RGPD3: variants seen among roughly 807,000 people sequenced by gnomAD.
The protein encoded by RGPD3 is ranBP2-like and GRIP domain-containing protein 3.
A neutral mutation model predicts 154.5 loss-of-function variants in RGPD3; 62 were observed. That is an observed-to-expected ratio of 0.40 (90% CI 0.33 to 0.50). The LOEUF is 0.50. Ranked by LOEUF, RGPD3 falls within the 20% of genes least tolerant of loss-of-function variation. The pLI is 0.59. For missense variants in RGPD3, 919 were observed against 1,716.8 expected (o/e 0.54, Z 8.21); for synonymous variants, 308 against 607.0 (o/e 0.51, Z 7.24).
chr2:106,436,346 C>G (rs896002152), intron 11 of RGPD3, 68 bp downstream of exon 11: 3 of 1,610,454 alleles, frequency 1.9e-6, no homozygotes, highest in African/African-American at 2.7e-5. Flanking sequence ...TAAATCTTCA[C>G]ACGAGGATTA....
intron 7 of RGPD3, among the ~76,000 whole-genome samples, chr2:106,446,170 C>A (rs1677918521): frequency 8.0e-6 from 1 of 125,050 alleles, no homozygotes; most frequent in Non-Finnish European, 1.7e-5. Context: ...AGCAAAAAAT[C>A]CTTCTCTAAA....
chr2:106,462,023 A>G (rs1245572145), intron 1 of RGPD3, among the ~76,000 whole-genome samples: 5 of 151,774 alleles, frequency 3.3e-5, no homozygotes, highest in Non-Finnish European at 5.9e-5. Context: ...AGCTGGGACT[A>G]CAGGCGCACA....
At chr2:106,458,384 T>C (rs1678299353) in intron 2 of RGPD3, among the ~76,000 whole-genome samples, 1 of 148,440 alleles carries the variant, frequency 6.7e-6, no homozygotes, top group Non-Finnish European at 1.5e-5. Flanking sequence ...ACCACCATTT[T>C]CCTTTCTTAC....
Position 106,422,385 on chromosome 2 carries a change from G to GT in RGPD3, c.4924+657dup, listed in dbSNP as rs781061447. ...TGTTTTTTTTTGTTTTTTGTTTTTT[G>GT]TTTTTTTTGGAGACAAAGTCTCACT... is the stretch of plus-strand genomic sequence containing the variant. On this transcript the variant is annotated intron_variant, in intron 20 of 22. Coordinates refer to ENST00000409886, the MANE Select transcript of RGPD3 (RefSeq NM_001144013.2). 2.9e-4 allele frequency among the ~76,000 whole-genome samples: 27 copies of GT among 93,544 alleles called. 1 individual carries two copies. The highest frequency in any genetic ancestry group is 6.5e-4 in the East Asian group (2 of 3,100). 61.4% of individuals were successfully genotyped at this position (93,544 alleles called of 152,430 possible).
At chr2:106,466,450 C>T (rs1445839010) in intron 1 of RGPD3, among the ~76,000 whole-genome samples, 1 of 120,360 alleles carries the variant, frequency 8.3e-6, no homozygotes, top group South Asian at 3.2e-4. Context: ...CCATCGAGGC[C>T]GCCGCTGGGC....
At chr2:106,470,003 G>C (rs368250382), upstream of RGPD3, among the ~76,000 whole-genome samples, 12 of 151,990 alleles carry the variant, frequency 7.9e-5, no homozygotes, top group Non-Finnish European at 1.6e-4. Flanking sequence ...GTAAATCCCA[G>C]TTCTACCACT....
rs1418178556 is a variant in RGPD3 at position 106,433,034 on chromosome 2, A to T, written c.2386-16T>A. The T allele has an allele frequency of 6.2e-7, 1 of 1,610,856 alleles. No individual in the cohort carries two copies. The highest frequency in any genetic ancestry group is 1.3e-5 in the African/African-American group (1 of 74,496). ...TGGGAGAATACTAAAAAAAAAATAA[A>T]AATAACAAAAGAGCATTTAAAACAC... On this transcript the variant is annotated splice_polypyrimidine_tract_variant and intron_variant, in intron 16 of 22. Coordinates refer to ENST00000409886, the MANE Select transcript of RGPD3 (RefSeq NM_001144013.2).
intron 20 of RGPD3, among the ~76,000 whole-genome samples, chr2:106,420,830 C>T (rs1424449275): frequency 6.6e-6 from 1 of 152,254 alleles, no homozygotes; most frequent in Admixed American, 6.5e-5. Flanking sequence ...AGCTGGAGTG[C>T]AGTGATGTGA....
intron 1 of RGPD3, 88 bp downstream of exon 1, chr2:106,468,129 C>A: frequency 1.3e-6 from 2 of 1,493,066 alleles, no homozygotes; most frequent in Non-Finnish European, 1.8e-6. Flanking sequence ...GGAGCCATGA[C>A]GCCTGAGCCA....
Position 106,415,848 on chromosome 2 carries a change from A to C in RGPD3, c.5064+2T>G. 1 of 1,611,824 alleles carries C rather than the reference A, an allele frequency of 6.2e-7. No individual in the cohort carries two copies. The highest frequency in any genetic ancestry group is 8.5e-7 in the Non-Finnish European group (1 of 1,179,822). On this transcript the variant is annotated splice_donor_variant, in intron 21 of 22. Coordinates refer to ENST00000409886, the MANE Select transcript of RGPD3 (RefSeq NM_001144013.2). LOFTEE classifies it high-confidence loss of function. ...TATGGTGGCCAGGTTTTCTGATCTC[A>C]CCTTAATTTGCTCCATAAGGACTGC...
At position 106,461,993 on chromosome 2, in the gene RGPD3, A is replaced by G. The variant is rs1023825223; in HGVS notation, c.73-2661T>C. Among the ~76,000 whole-genome samples the G allele has an allele frequency of 6.6e-5, 10 of 151,724 alleles. 1 individual carries two copies. The South Asian group carries it at 1.0e-3, about 16-fold the overall frequency. ...GGTGGCTCGATCTCAGCTCACTGCA[A>G]CCTCTGCCTCCCAGGTACAAGCTGG... On this transcript the variant is annotated intron_variant, in intron 1 of 22. Transcript: ENST00000409886.
chr2:106,445,796 GATTT>G (rs1677903525), intron 7 of RGPD3, among the ~76,000 whole-genome samples: 1 of 101,064 alleles, frequency 9.9e-6, no homozygotes, highest in Non-Finnish European at 2.0e-5. Context: ...AAAATAAAAA[GATTT>G]ATATTAGGCA....
At chr2:106,462,032 C>T (rs1265841212) in intron 1 of RGPD3, among the ~76,000 whole-genome samples, 6 of 152,056 alleles carry the variant, frequency 3.9e-5, no homozygotes, top group South Asian at 2.1e-4. Flanking sequence ...TACAGGCGCA[C>T]ACCACCATGC....
In RGPD3 at chr2:106,424,396, A is replaced by T. The variant is rs1677114619; in HGVS notation, c.3571T>A (p.Leu1191Ile). Residue 1191 changes from leucine to isoleucine, a missense_variant, in exon 20 of 23, where the codon TTA becomes ATA. Transcript: ENST00000409886. ...TTCATTTCTTCAGCTCTCTGTATTAACTTGGCAGCTCTGCCAGTATCTACA... is the reference window on the plus strand; with the variant it reads ...TTCATTTCTTCAGCTCTCTGTATTATCTTGGCAGCTCTGCCAGTATCTACA... ...KLVDTGRAAK[L>I]IQRAEEMKSG... 6.2e-7 allele frequency: 1 copy of T among 1,611,156 alleles called. No homozygotes were observed. The highest frequency in any genetic ancestry group is 1.7e-5 in the Admixed American group (1 of 59,942).
intron 1 of RGPD3, among the ~76,000 whole-genome samples, chr2:106,467,368 A>C (rs368954848): frequency 4.8e-4 from 36 of 74,506 alleles, no homozygotes; most frequent in East Asian, 3.3e-3. Context: ...CCGCCGCCTC[A>C]ACAGAGCGCG....
In RGPD3 at chr2:106,423,705, T is replaced by C; in HGVS notation, c.4262A>G (p.Lys1421Arg). The C allele has an allele frequency of 1.9e-6, 3 of 1,610,936 alleles. No individual in the cohort carries two copies. The South Asian group carries it at 3.3e-5, about 18-fold the overall frequency. Residue 1421 changes from lysine to arginine, a missense_variant, in exon 20 of 23, where the codon AAA (lysine) becomes AGA (arginine). Coordinates refer to ENST00000409886, the MANE Select transcript of RGPD3 (RefSeq NM_001144013.2). ...ITPDMSLQNM[K>R]GTERVWVWTA... ...CCACACCCATACTCTTTCTGTCCCT[T>C]TCATATTTTGCAAACTCATGTCTGG...
rs767595189 is a variant in RGPD3 at position 106,423,866 on chromosome 2, A to C, written c.4101T>G (p.Tyr1367Ter). 6.2e-7 allele frequency: 1 copy of C among 1,611,838 alleles called. No individual in the cohort carries two copies. Among genetic ancestry groups the C allele is most frequent in the East Asian group, 2.2e-5 (1 of 44,894 alleles). ...VFSHRAEFYRYDKDVGQWKER... is the reference protein window; with the variant it reads ...VFSHRAEFYR ...CTTTCCATTGACCAACATCTTTATC[A>C]TATCTGTAGAATTCTGCCCTGTGAC... The change falls in exon 20 of 23, where the codon TAT becomes TAG. Residue 1367 changes from tyrosine to a stop codon, truncating the protein, a stop_gained. Coordinates refer to ENST00000409886, the MANE Select transcript of RGPD3 (RefSeq NM_001144013.2). LOFTEE classifies it high-confidence loss of function.
chr2:106,440,467 C>T (rs1677705696), intron 8 of RGPD3, among the ~76,000 whole-genome samples: 2 of 151,094 alleles, frequency 1.3e-5, no homozygotes, highest in South Asian at 4.2e-4. Context: ...CATGCAAAGG[C>T]ACTTATGAGA....
At position 106,404,303 on chromosome 2, in the gene RGPD3, C is replaced by A. The variant is rs527269425; in HGVS notation, c.*916G>T. ...CCCTATCAAGAGCCTGGAAAGACACCATGAAATCACCTCAACTCAAGTGGT... is the reference window on the plus strand; with the variant it reads ...CCCTATCAAGAGCCTGGAAAGACACAATGAAATCACCTCAACTCAAGTGGT... On this transcript the variant is annotated 3_prime_UTR_variant, in exon 23 of 23. Transcript: ENST00000409886. Among the ~76,000 whole-genome samples, 4,177 of 145,670 alleles carry A rather than the reference C, an allele frequency of 0.029. 27 individuals carry two copies. The highest frequency in any genetic ancestry group is 0.085 in the Middle Eastern group (24 of 282).
Sources: allele counts gnomAD v4.1 joint callset (sites outside exome capture counted in the v4.1 genomes callset), GRCh38; gene constraint gnomAD v4.1.1; transcripts MANE v1.5; gene names NCBI Gene and HGNC (gene_info 2026-07-23, HGNC 2026-07-21).